Variants in TNFSF18 observed in about 807,000 individuals in gnomAD.
The protein encoded by TNFSF18 is TNF superfamily member 18, also known as tumor necrosis factor ligand superfamily member 18.
A neutral mutation model predicts 9.6 loss-of-function variants in TNFSF18; 6 were observed. That is an observed-to-expected ratio of 0.63 (90% CI 0.34 to 1.24). The LOEUF is 1.24. Ranked by LOEUF, TNFSF18 falls within the 50% of genes most tolerant of loss-of-function variation. The pLI is 0.03. For synonymous variants in TNFSF18, 68 were observed against 71.7 expected (o/e 0.95, Z 0.26); for missense variants, 210 against 201.0 (o/e 1.04, Z -0.27).
rs954905307 is a variant in TNFSF18 at position 173,041,034 on chromosome 1, G to A, written c.*333C>T. On this transcript the variant is annotated 3_prime_UTR_variant, in exon 3 of 3. Coordinates refer to ENST00000404377, the MANE Select transcript of TNFSF18 (RefSeq NM_005092.4). Reference sequence around the variant, plus strand: ...TGCCCCAGATCCTTTTTGCATACCAGGTAAATCTTCCATGGGAATAGAACT... The same window carrying A: ...TGCCCCAGATCCTTTTTGCATACCAAGTAAATCTTCCATGGGAATAGAACT... The A allele has an allele frequency of 2.1e-5, 4 of 188,664 alleles. No individual in the cohort carries two copies. Among genetic ancestry groups the A allele is most frequent in the Admixed American group, 5.9e-5 (1 of 16,874 alleles). The allele number at this position is 188,664 out of a possible 1,614,324, so 11.7% of individuals were successfully genotyped here.
chr1:173,041,360 C>G lies in TNFSF18; in HGVS notation c.*7G>C. On this transcript the variant is annotated 3_prime_UTR_variant, in exon 3 of 3. Transcript: ENST00000404377. ...GCTGAAGGGAATGAGGAGATCAAAT[C>G]AAGTCTCTAGGAGATGAATTGGGGA... 6.3e-7 allele frequency: 1 copy of G among 1,589,472 alleles called. No homozygotes were observed. The highest frequency in any genetic ancestry group is 8.6e-7 in the Non-Finnish European group (1 of 1,166,532).
intron 1 of TNFSF18, among the ~76,000 whole-genome samples, chr1:173,045,060 T>C (rs1665057050): frequency 1.3e-5 from 2 of 152,104 alleles, no homozygotes; most frequent in Admixed American, 1.3e-4. Context: ...AATGATGAGT[T>C]TGGTTGTGGA....
intron 2 of TNFSF18, 137 bp from the exon 3 acceptor site, chr1:173,041,850 A>G: frequency 1.3e-6 from 1 of 759,730 alleles, no homozygotes; most frequent in Non-Finnish European, 2.0e-6. Flanking sequence ...CTTCAAGCAG[A>G]ATTTTTCTAT....
chr1:173,039,529 T>C lies in TNFSF18; in HGVS notation c.*1838A>G, dbSNP rs899000848. Among the ~76,000 whole-genome samples, 1 of 152,098 alleles carries C rather than the reference T, an allele frequency of 6.6e-6. No individual in the cohort carries two copies. The highest frequency in any genetic ancestry group is 2.4e-5 in the African/African-American group (1 of 41,424). On this transcript the variant is annotated 3_prime_UTR_variant, in exon 3 of 3. Transcript: ENST00000404377. ...AGCTGTCCAAAAGGAAAATGTGTAG[T>C]GTTTGCCAATTTACATGGTATAAAT...
chr1:173,042,860 G>A (rs1003724438), intron 2 of TNFSF18, among the ~76,000 whole-genome samples: 2 of 152,102 alleles, frequency 1.3e-5, no homozygotes, highest in Admixed American at 6.6e-5. Flanking sequence ...TCATTCATAT[G>A]AATGACTAAT....
rs184332987 is a variant in TNFSF18, at chr1:173,041,720, G to C, written c.188-7C>G. On this transcript the variant is annotated splice_polypyrimidine_tract_variant and splice_region_variant and intron_variant, in intron 2 of 2. Coordinates refer to ENST00000404377, the MANE Select transcript of TNFSF18 (RefSeq NM_005092.4). ...CATTTTGAGGGTAATGGTCCTATAA[G>C]AAATATACAAGGATAAAAAAGATGA... is the stretch of plus-strand genomic sequence containing the variant. 2.7e-4 allele frequency: 426 copies of C among 1,563,832 alleles called. No homozygotes were observed. In the African/African-American group the frequency reaches 5.4e-3, roughly 20 times the overall value.
chr1:173,041,968 T>C (rs1665002063), intron 2 of TNFSF18, among the ~76,000 whole-genome samples: 1 of 152,140 alleles, frequency 6.6e-6, no homozygotes, highest in Non-Finnish European at 1.5e-5. Context: ...AAAAATGACT[T>C]AAGTGACTTC....
chr1:173,045,022 T>C (rs1486269591), intron 1 of TNFSF18, among the ~76,000 whole-genome samples: 4 of 152,184 alleles, frequency 2.6e-5, no homozygotes, highest in African/African-American at 9.7e-5. Context: ...ATGGATAAGA[T>C]GTAAGAGGAA....
intron 1 of TNFSF18, 98 bp downstream of exon 1, chr1:173,050,643 T>C: frequency 1.3e-6 from 1 of 789,458 alleles, no homozygotes. Flanking sequence ...TCCTTCCAAC[T>C]ATTGCTAACA....
chr1:173,045,563 G>A (rs1665066907), intron 1 of TNFSF18, among the ~76,000 whole-genome samples: 1 of 152,102 alleles, frequency 6.6e-6, no homozygotes, highest in African/African-American at 2.4e-5. Flanking sequence ...GAAGTTGGAG[G>A]AATTTTGCTG....
At position 173,040,110 on chromosome 1, in the gene TNFSF18, T is replaced by C. The variant is rs1395765118; in HGVS notation, c.*1257A>G. 6.6e-6 allele frequency: 1 copy of C among 152,092 alleles called. No individual in the cohort carries two copies. Among genetic ancestry groups the C allele is most frequent in the East Asian group, 1.9e-4 (1 of 5,198 alleles). 9.4% of individuals were successfully genotyped at this position (152,092 alleles called of 1,614,324 possible). A position where few individuals can be genotyped will look rare whatever the true frequency, so the allele number is the denominator to read the frequency against. On this transcript the variant is annotated 3_prime_UTR_variant, in exon 3 of 3. Transcript: ENST00000404377. ...GTCCAAAAATTTTGAATTAGTGCTA[T>C]TTATTATTTTAGAAGTTAGCACATT...
At chr1:173,043,916 G>C (rs764735358) in intron 2 of TNFSF18, 23 bp downstream of exon 2, 4 of 1,606,230 alleles carry the variant, frequency 2.5e-6, no homozygotes, top group Non-Finnish European at 3.4e-6. Flanking sequence ...AAAAGTAAAA[G>C]ACATGCAAGA....
At chr1:173,046,880 T>TTTG (rs890436520) in intron 1 of TNFSF18, among the ~76,000 whole-genome samples, 45 of 136,734 alleles carry the variant, frequency 3.3e-4, no homozygotes, top group Admixed American at 1.6e-3. Context: ...CTTGTTTTTT[T>TTTG]TTGTTGTTGT....
intron 1 of TNFSF18, among the ~76,000 whole-genome samples, chr1:173,045,246 G>A (rs1429719949): frequency 1.3e-5 from 2 of 149,370 alleles, no homozygotes; most frequent in African/African-American, 2.5e-5. Context: ...ACACTGGGGC[G>A]TTGTGATGTT....
Position 173,050,802 on chromosome 1 carries a change from A to G in TNFSF18, c.95T>C (p.Ile32Thr), listed in dbSNP as rs760040810. 7.4e-6 allele frequency: 12 copies of G among 1,613,260 alleles called. No individual in the cohort carries two copies. The highest frequency in any genetic ancestry group is 1.1e-5 in the South Asian group (1 of 90,908). ...SSWKLWLFCS[I>T]VMLLFLCSFS... ...GGAGCAAAGAAATAGCAACATAACT[A>G]TTGAGCAAAAGAGCCACAGCTTCCA... The change falls in exon 1 of 3, where the codon ATA becomes ACA. Residue 32 changes from isoleucine (I) to threonine (T), a missense_variant. Transcript: ENST00000404377.
intron 1 of TNFSF18, among the ~76,000 whole-genome samples, chr1:173,045,385 C>T (rs1455590670): frequency 6.6e-6 from 1 of 152,148 alleles, no homozygotes; most frequent in East Asian, 1.9e-4. Context: ...GACGAGTGAT[C>T]AGCTGGTGTC....
chr1:173,043,125 A>ATTC (rs1665018461), intron 2 of TNFSF18, among the ~76,000 whole-genome samples: 1 of 152,162 alleles, frequency 6.6e-6, no homozygotes, highest in Non-Finnish European at 1.5e-5. Context: ...GCATAATTTC[A>ATTC]CACATGCCAT....
rs1435115368 is a variant in TNFSF18 at position 173,050,882 on chromosome 1, GT to G, written c.14del (p.His5ProfsTer7). The G allele has an allele frequency of 6.2e-7, 1 of 1,613,886 alleles. No individual in the cohort carries two copies. Among genetic ancestry groups the G allele is most frequent in the South Asian group, 1.1e-5 (1 of 91,074 alleles). ...AATGGCTTAAAGGCATATTTTCCAA[GT>G]GGCTCAAACACATTTTTGGAGAAAT... MCLS[H>X]LENMPLSHSR... On this transcript the variant is annotated frameshift_variant, in exon 1 of 3. Transcript: ENST00000404377. LOFTEE classifies it high-confidence loss of function.
At position 173,049,796 on chromosome 1, in the gene TNFSF18, G is replaced by C. The variant is rs183140660; in HGVS notation, c.156+945C>G. Among the ~76,000 whole-genome samples the C allele has an allele frequency of 4.6e-5, 7 of 152,226 alleles. No homozygotes were observed. The East Asian group carries it at 1.3e-3, about 29-fold the overall frequency. ...AGTCTTCAAATTTAGCCAGAAATAG[G>C]CTAAATCCTGAAATAAATAAAGCAT... On this transcript the variant is annotated intron_variant, in intron 1 of 2. Coordinates refer to ENST00000404377, the MANE Select transcript of TNFSF18 (RefSeq NM_005092.4).
Sources: gnomAD v4.1 joint callset for allele counts (sites outside exome capture counted in the v4.1 genomes callset) on GRCh38, gnomAD v4.1.1 for gene constraint, MANE v1.5 for transcripts, NCBI Gene and HGNC (gene_info 2026-07-23, HGNC 2026-07-21) for gene names.